The following ORC3 variants were observed in gnomAD, a reference collection of about 807,000 sequenced individuals.
The protein encoded by ORC3 is origin recognition complex subunit 3.
Under a neutral mutation model 100.7 loss-of-function variants are expected in ORC3, and 78 were observed. The ratio of observed to expected loss-of-function variants is 0.77; its 90% CI spans 0.65 to 0.94. The LOEUF (loss-of-function observed/expected upper bound fraction) is 0.94. Ranked by LOEUF, ORC3 falls within the 40% of genes least tolerant of loss-of-function variation. The pLI is 0.00. For missense variants in ORC3, 789 were observed against 823.9 expected, an observed-to-expected ratio of 0.96 and a Z score of 0.52; for synonymous variants, 295 against 289.3, an observed-to-expected ratio of 1.02 and a Z score of -0.20.
rs765795651 is a variant in ORC3, at chr6:87,636,399, C to A, written c.1303-8C>A. The A allele has an allele frequency of 7.6e-6, 12 of 1,578,918 alleles. No homozygotes were observed. The African/African-American group carries it at 1.6e-4, about 21-fold the overall frequency. ...TTGGTTCCTCACAAATGTGTTGTTCCCTTACAGATCAGAGAGTTGTACTGT... is the reference window on the plus strand; with the variant it reads ...TTGGTTCCTCACAAATGTGTTGTTCACTTACAGATCAGAGAGTTGTACTGT... On this transcript the variant is annotated splice_polypyrimidine_tract_variant and splice_region_variant and intron_variant, in intron 12 of 19. Transcript: ENST00000392844.
At chr6:87,677,135 C>T in the ORC3 span, among the ~76,000 whole-genome samples, 25 of 151,532 alleles carry the variant, frequency 1.6e-4, no homozygotes, top group Admixed American at 4.6e-4. Context: ...GACCTTTCTA[C>T]TCTGAAAGTT....
Position 87,664,731 on chromosome 6 carries a change from GTTAA to G in ORC3, c.1834-9_1834-6del, listed in dbSNP as rs764794956. On this transcript the variant is annotated splice_polypyrimidine_tract_variant and splice_region_variant and intron_variant, in intron 17 of 19. Coordinates refer to ENST00000392844, the MANE Select transcript of ORC3 (RefSeq NM_012381.4). ...TAAAAGTTAGTCATCTTAGTTTACT[GTTAA>G]TTGTTAGAATGAAGCACTGAAAAGC... is the stretch of plus-strand genomic sequence containing the variant. 16 of 1,603,156 alleles carry G rather than the reference GTTAA, an allele frequency of 1.0e-5. No individual in the cohort carries two copies. The South Asian group carries it at 1.4e-4, about 14-fold the overall frequency.
chr6:87,628,681 T>C (rs1212845159), intron 11 of ORC3, among the ~76,000 whole-genome samples: 1 of 152,180 alleles, frequency 6.6e-6, no homozygotes, highest in Non-Finnish European at 1.5e-5. Flanking sequence ...AGCAAGTTCA[T>C]GGTAGAGTAA....
At chr6:87,660,125 G>A (rs10498961) in intron 16 of ORC3, among the ~76,000 whole-genome samples, 12,601 of 152,234 alleles carry the variant, frequency 0.083, 552 homozygotes, top group African/African-American at 0.098. Context: ...ATTCCAAATT[G>A]TAGGCTCTGA....
chr6:87,645,859 A>G (rs1411865147), intron 13 of ORC3, among the ~76,000 whole-genome samples: 1 of 152,178 alleles, frequency 6.6e-6, no homozygotes, highest in Admixed American at 6.5e-5. Context: ...ATGACAATCT[A>G]TAAAGCCTTT....
chr6:87,676,326 A>G, the ORC3 span, among the ~76,000 whole-genome samples: 261 of 149,926 alleles, frequency 1.7e-3, 1 homozygote, highest in African/African-American at 5.3e-3. Context: ...TTAGCTGGGC[A>G]TGGTGGCAGG....
chr6:87,592,443 C>T (rs767339321), intron 1 of ORC3, among the ~76,000 whole-genome samples: 2 of 151,772 alleles, frequency 1.3e-5, no homozygotes, highest in Non-Finnish European at 2.9e-5. Context: ...CCAACCTGAC[C>T]AACATGGTGA....
chr6:87,621,590 C>A (rs1779533407), intron 10 of ORC3, 103 bp downstream of exon 10: 4 of 773,756 alleles, frequency 5.2e-6, no homozygotes, highest in Non-Finnish European at 7.6e-6. Flanking sequence ...GAAATAGTAA[C>A]CTATTCTGTT....
At chr6:87,617,683 A>G (rs1191937219) in intron 9 of ORC3, among the ~76,000 whole-genome samples, 1 of 152,148 alleles carries the variant, frequency 6.6e-6, no homozygotes. Flanking sequence ...GCAGTGAGCC[A>G]TAATTGTGTC....
chr6:87,637,186 T>C (rs962863861), intron 13 of ORC3, among the ~76,000 whole-genome samples: 4 of 152,180 alleles, frequency 2.6e-5, no homozygotes, highest in Non-Finnish European at 4.4e-5. Context: ...AATGCTTATA[T>C]AAAAATATTT....
chr6:87,616,108 C>G (rs1199254184), intron 8 of ORC3, among the ~76,000 whole-genome samples: 1 of 151,892 alleles, frequency 6.6e-6, no homozygotes, highest in African/African-American at 2.4e-5. Context: ...TCTGAAGATA[C>G]AGTATAAGTA....
chr6:87,664,078 T>C (rs1253106064), intron 17 of ORC3, among the ~76,000 whole-genome samples: 1 of 152,148 alleles, frequency 6.6e-6, no homozygotes, highest in Non-Finnish European at 1.5e-5. Context: ...AATTAAAACT[T>C]ACAAAATCTG....
chr6:87,607,417 C>T (rs1778421821), intron 5 of ORC3, among the ~76,000 whole-genome samples: 2 of 150,686 alleles, frequency 1.3e-5, no homozygotes, highest in South Asian at 2.1e-4. Flanking sequence ...GGCAACAGAG[C>T]GAGACTCCAT....
chr6:87,661,118 A>C (rs1016335704), intron 16 of ORC3, among the ~76,000 whole-genome samples: 1 of 152,210 alleles, frequency 6.6e-6, no homozygotes, highest in African/African-American at 2.4e-5. Flanking sequence ...TTGCCTTGTT[A>C]GATATCCAAT....
At chr6:87,591,152 T>C (rs1424600866) in intron 1 of ORC3, among the ~76,000 whole-genome samples, 1 of 152,244 alleles carries the variant, frequency 6.6e-6, no homozygotes, top group African/African-American at 2.4e-5. Context: ...TTTTAGATAG[T>C]GCAGATATAG....
At chr6:87,623,041 A>G (rs1779643498) in intron 11 of ORC3, among the ~76,000 whole-genome samples, 1 of 152,214 alleles carries the variant, frequency 6.6e-6, no homozygotes, top group Non-Finnish European at 1.5e-5. Context: ...TTGGTAATAC[A>G]TACGATTTTC....
In ORC3 at chr6:87,664,806, T is replaced by C. The variant is rs1194853382; in HGVS notation, c.1897T>C (p.Tyr633His). The change falls in exon 18 of 20, where the codon TAC (tyrosine) becomes CAC (histidine). Residue 633 changes from tyrosine (Y) to histidine (H), a missense_variant. Coordinates refer to ENST00000392844, the MANE Select transcript of ORC3 (RefSeq NM_012381.4). ...TATCGCCCCAGACATCTGCATAGCA[T>C]ACAAACTGCACCTAGAGTGTAGCAG... ...PNIAPDICIA[Y>H]KLHLECSRLI... The C allele has an allele frequency of 6.2e-7, 1 of 1,614,138 alleles. No individual in the cohort carries two copies. Among genetic ancestry groups the C allele is most frequent in the South Asian group, 1.1e-5 (1 of 91,084 alleles).
At chr6:87,666,376 C>A (rs1057322502) in intron 19 of ORC3, among the ~76,000 whole-genome samples, 1 of 150,584 alleles carries the variant, frequency 6.6e-6, no homozygotes, top group Non-Finnish European at 1.5e-5. Flanking sequence ...GTGATCCGCC[C>A]GCCTTGGCCT....
chr6:87,668,146 T>TA (rs1462796411), downstream of ORC3, among the ~76,000 whole-genome samples: 2 of 152,218 alleles, frequency 1.3e-5, no homozygotes, highest in East Asian at 1.9e-4. Flanking sequence ...GTTCATTATT[T>TA]AATGCTCTAC....
Sources: gnomAD v4.1 joint callset for allele counts (sites outside exome capture counted in the v4.1 genomes callset) on GRCh38, gnomAD v4.1.1 for gene constraint, MANE v1.5 for transcripts, NCBI Gene and HGNC (gene_info 2026-07-23, HGNC 2026-07-21) for gene names.